Variants in RBFA observed in about 807,000 individuals in gnomAD.
RBFA encodes the protein putative ribosome-binding factor A, mitochondrial.
RBFA carries 16 observed loss-of-function variants against 27.9 expected under a neutral mutation model. The observed-to-expected ratio is 0.57, with a 90% CI of 0.39 to 0.87. The LOEUF is 0.87. Ranked by LOEUF, RBFA falls within the 40% of genes least tolerant of loss-of-function variation. The probability of loss-of-function intolerance (pLI) is 0.00; values close to 1 mark genes in which losing one functional copy is unlikely to be tolerated. For synonymous variants in RBFA, 181 were observed against 181.0 expected (o/e 1.00, Z 0.00); for missense variants, 456 against 432.1 (o/e 1.06, Z -0.49).
At chr18:80,045,126 A>C (rs541502382) in intron 6 of RBFA, among the ~76,000 whole-genome samples, 1 of 152,168 alleles carries the variant, frequency 6.6e-6, no homozygotes, top group African/African-American at 2.4e-5. Flanking sequence ...TAGACTCTTC[A>C]TGAAGGCGAA....
chr18:80,037,231 C>A lies in RBFA; in HGVS notation c.202-99C>A, dbSNP rs543030622. The A allele has an allele frequency of 2.1e-5, 18 of 855,538 alleles. No individual in the cohort carries two copies. The South Asian group carries it at 3.1e-4, about 15-fold the overall frequency. The allele number at this position is 855,538 out of a possible 1,614,324, so 53.0% of individuals were successfully genotyped here. A position where few individuals can be genotyped will look rare whatever the true frequency, so the allele number is the denominator to read the frequency against. On this transcript the variant is annotated intron_variant, in intron 2 of 6. Coordinates refer to ENST00000306735, the MANE Select transcript of RBFA (RefSeq NM_024805.3). ...GCTGAGAGTGATAGCTGCTGTTGAT[C>A]TGGTTGCCCATCCAGCCCTCCCCCA...
At chr18:80,043,334 A>G (rs1258021762) in intron 5 of RBFA, among the ~76,000 whole-genome samples, 1 of 152,246 alleles carries the variant, frequency 6.6e-6, no homozygotes, top group Non-Finnish European at 1.5e-5. Flanking sequence ...ATCAGTGTGT[A>G]GGTAACACTA....
In RBFA at chr18:80,044,759, A is replaced by G. The variant is rs1050543194; in HGVS notation, c.650+474A>G. Among the ~76,000 whole-genome samples the G allele has an allele frequency of 2.0e-5, 3 of 152,362 alleles. No homozygotes were observed. In the South Asian group the frequency reaches 6.2e-4, roughly 32 times the overall value. ...TTGGCCTGTGCATGTACACACACAT[A>G]CACATCTTTTCCAAACATGTAGTGC... On this transcript the variant is annotated intron_variant, in intron 6 of 6. Coordinates refer to ENST00000306735, the MANE Select transcript of RBFA (RefSeq NM_024805.3).
At chr18:80,044,085 TGGA>T in intron 5 of RBFA, 124 bp from the exon 6 acceptor site, 1 of 793,358 alleles carries the variant, frequency 1.3e-6, no homozygotes. Flanking sequence ...GAAGAGTCGG[TGGA>T]AGGAATTGTG....
At chr18:80,036,647 A>G in intron 1 of RBFA, 21 bp from the exon 2 acceptor site, 1 of 1,603,756 alleles carries the variant, frequency 6.2e-7, no homozygotes, top group Non-Finnish European at 8.5e-7. Context: ...CACTAACATA[A>G]TGCTTATTTT....
At position 80,049,637 on chromosome 18, in the gene RBFA, T is replaced by TCCGGGGGCTCATCC. The variant is rs1374581844; in HGVS notation, c.*3487_*3488insGGCTCATCCCCGGG. ...AGTAAAGGTCAATGGTTCTCAAAGT[T>TCCGGGGGCTCATCC]CCGGGCACATCCCCTGGGGGCTCAT... On this transcript the variant is annotated 3_prime_UTR_variant, in exon 7 of 7. Coordinates refer to ENST00000306735, the MANE Select transcript of RBFA (RefSeq NM_024805.3). 1.3e-5 allele frequency among the ~76,000 whole-genome samples: 2 copies of TCCGGGGGCTCATCC among 152,344 alleles called. No individual in the cohort carries two copies. The highest frequency in any genetic ancestry group is 4.8e-5 in the African/African-American group (2 of 41,588).
intron 6 of RBFA, 40 bp from the exon 7 acceptor site, chr18:80,045,734 A>G (rs760728823): frequency 2.0e-6 from 3 of 1,498,390 alleles, no homozygotes; most frequent in East Asian, 2.3e-5. Flanking sequence ...GACTAGGGGC[A>G]TGGTTTGTGC....
intron 6 of RBFA, among the ~76,000 whole-genome samples, chr18:80,045,173 GC>G (rs1223272509): frequency 1.3e-5 from 2 of 151,874 alleles, no homozygotes; most frequent in Non-Finnish European, 2.9e-5. Context: ...CTGCGATTCT[GC>G]CAGTTGAACT....
Position 80,037,332 on chromosome 18 carries a change from T to G in RBFA, c.204T>G (p.Thr68=). ...GTGTGCTCTTCTTCCTGATGGAGAC[T>G]TACAAACCATCCAAGTTGGAATTCC... ...YESPSLGSHS[T]YKPSKLEFLM... The change falls in exon 3 of 7, where the codon ACT becomes ACG. Residue 68 remains threonine (T), a splice_region_variant and synonymous_variant. Transcript: ENST00000306735. The G allele has an allele frequency of 1.2e-6, 2 of 1,613,540 alleles. No homozygotes were observed. Among genetic ancestry groups the G allele is most frequent in the Non-Finnish European group, 1.7e-6 (2 of 1,179,848 alleles).
chr18:80,035,693 C>T (rs1481166554), intron 1 of RBFA: 1 of 152,216 alleles, frequency 6.6e-6, no homozygotes, highest in Admixed American at 6.5e-5. Flanking sequence ...CAGCCCATGC[C>T]TAATGAGTGG....
intron 3 of RBFA, among the ~76,000 whole-genome samples, chr18:80,038,135 G>A (rs2051993281): frequency 1.3e-5 from 2 of 152,206 alleles, no homozygotes; most frequent in Admixed American, 1.3e-4. Context: ...CAGTACAGAG[G>A]TACAGGAGAT....
At chr18:80,041,685 A>G (rs1195793762) in intron 4 of RBFA, 2 of 149,362 alleles carry the variant, frequency 1.3e-5, no homozygotes, top group African/African-American at 4.9e-5. Flanking sequence ...TGAGGTTTTC[A>G]TTTTTGAGTA....
Position 80,047,022 on chromosome 18 carries a change from T to G in RBFA, c.*867T>G, listed in dbSNP as rs1246171919. 1 of 152,260 alleles carries G rather than the reference T, an allele frequency of 6.6e-6. No individual in the cohort carries two copies. Among genetic ancestry groups the G allele is most frequent in the Non-Finnish European group, 1.5e-5 (1 of 68,056 alleles). The allele number at this position is 152,260 out of a possible 1,614,324, so 9.4% of individuals were successfully genotyped here. A position where few individuals can be genotyped will look rare whatever the true frequency, so the allele number is the denominator to read the frequency against. On this transcript the variant is annotated 3_prime_UTR_variant, in exon 7 of 7. Transcript: ENST00000306735. ...CAGCTCCTATTTAGTTCGGCTTCCC[T>G]CTTAATGTCCCAGCCCCTGTGAGCT...
chr18:80,045,987 G>C lies in RBFA; in HGVS notation c.864G>C (p.Gln288His). 6.2e-7 allele frequency: 1 copy of C among 1,614,150 alleles called. No homozygotes were observed. The highest frequency in any genetic ancestry group is 2.2e-5 in the East Asian group (1 of 44,882). ...AGAGGGCCAAGCCCCGCCTGGAGCA[G>C]GACAGCTCCCTCAAGAGTTACCTGT... ...GRKRAKPRLE[Q>H]DSSLKSYLSG... is the part of the protein sequence containing the mutation. The change falls in exon 7 of 7, where the codon CAG (glutamine) becomes CAC (histidine). Residue 288 changes from glutamine (Q) to histidine (H), a missense_variant. By Grantham distance (24) the Gln-to-His change is conservative. Transcript: ENST00000306735.
At position 80,044,195 on chromosome 18, in the gene RBFA, T is replaced by C; in HGVS notation, c.577-17T>C. 6.2e-7 allele frequency: 1 copy of C among 1,612,658 alleles called. No individual in the cohort carries two copies. The highest frequency in any genetic ancestry group is 8.5e-7 in the Non-Finnish European group (1 of 1,178,608). On this transcript the variant is annotated splice_polypyrimidine_tract_variant and intron_variant, in intron 5 of 6. Transcript: ENST00000306735. Reference sequence around the variant, plus strand: ...GGGGATGTGGCTAACGGGTTTACCCTCTGTGTTCCTCTGTAGCTTGATCAG... The same window carrying C: ...GGGGATGTGGCTAACGGGTTTACCCCCTGTGTTCCTCTGTAGCTTGATCAG...
Position 80,047,462 on chromosome 18 carries a change from C to A in RBFA, c.*1307C>A, listed in dbSNP as rs1429735840. On this transcript the variant is annotated 3_prime_UTR_variant, in exon 7 of 7. Coordinates refer to ENST00000306735, the MANE Select transcript of RBFA (RefSeq NM_024805.3). ...AGGAGATGCTGCTGCAAGATGCTGA[C>A]TCCCTTGTTTTTCTTTTCATTTGTG... 1 of 152,376 alleles carries A rather than the reference C, an allele frequency of 6.6e-6. No homozygotes were observed. The highest frequency in any genetic ancestry group is 6.5e-5 in the Admixed American group (1 of 15,292). The allele number at this position is 152,376 out of a possible 1,614,324, so 9.4% of individuals were successfully genotyped here. A position where few individuals can be genotyped will look rare whatever the true frequency, so the allele number is the denominator to read the frequency against.
rs535646248 is a variant in RBFA, at chr18:80,039,393, C to T, written c.491+776C>T. Among the ~76,000 whole-genome samples, 37 of 152,024 alleles carry T rather than the reference C, an allele frequency of 2.4e-4. 1 individual carries two copies. Among genetic ancestry groups the T allele is most frequent in the Non-Finnish European group, 8.8e-5 (6 of 68,012 alleles). ...ATTATTAATTGTATTAAATCTTGAC[C>T]CTTGAGCATGCCTTTTTCATATTTT... On this transcript the variant is annotated intron_variant, in intron 4 of 6. Coordinates refer to ENST00000306735, the MANE Select transcript of RBFA (RefSeq NM_024805.3).
At chr18:80,043,460 G>A (rs2052029958) in intron 5 of RBFA, among the ~76,000 whole-genome samples, 1 of 152,236 alleles carries the variant, frequency 6.6e-6, no homozygotes, top group South Asian at 2.1e-4. Context: ...TTCAGGTCAT[G>A]GCAGTGTGCT....
intron 6 of RBFA, 147 bp from the exon 7 acceptor site, chr18:80,045,627 T>A (rs1405547527): frequency 1.3e-5 from 12 of 944,534 alleles, no homozygotes; most frequent in Non-Finnish European, 1.8e-5. Context: ...CCTTCACTCC[T>A]GTCTCCAGTT....
Sources: gnomAD v4.1 joint callset for allele counts (sites outside exome capture counted in the v4.1 genomes callset) on GRCh38, gnomAD v4.1.1 for gene constraint, MANE v1.5 for transcripts, NCBI Gene and HGNC (gene_info 2026-07-23, HGNC 2026-07-21) for gene names.